SUMF1: variants seen among roughly 807,000 people sequenced by gnomAD.
SUMF1 encodes the protein sulfatase modifying factor 1.
SUMF1 carries 48 observed loss-of-function variants against 47.6 expected under a neutral mutation model. The observed-to-expected ratio is 1.01, with a 90% CI of 0.80 to 1.28. The LOEUF (loss-of-function observed/expected upper bound fraction) is 1.28, where lower values mean the gene tolerates loss of function less well. Ranked by LOEUF, SUMF1 falls within the 50% of genes most tolerant of loss-of-function variation. SUMF1 has a pLI of 0.00. For synonymous variants in SUMF1, 230 were observed against 192.1 expected (o/e 1.20, Z -1.63); for missense variants, 571 against 485.4 (o/e 1.18, Z -1.66).
intron 8 of SUMF1, among the ~76,000 whole-genome samples, chr3:4,347,849 G>A (rs1087349): frequency 0.53 from 80,754 of 152,048 alleles, 25,109 homozygotes; most frequent in African/African-American, 0.87. Flanking sequence ...GGGTACAAAA[G>A]TCAACGTGCA....
intron 3 of SUMF1, among the ~76,000 whole-genome samples, chr3:4,422,158 C>A (rs549036714): frequency 6.6e-6 from 1 of 152,076 alleles, no homozygotes; most frequent in Admixed American, 6.6e-5. Context: ...TCATTTGTGG[C>A]GCTGTAGAAG....
At position 4,129,223 on chromosome 3, in the gene SUMF1, T is replaced by G. The variant is rs534425812; in HGVS notation, c.1015-60478A>C. On this transcript the variant is annotated intron_variant and NMD_transcript_variant, in intron 8 of 12. Transcript: ENST00000448413. ...ACTCAACTACAAAATTTAAATACAATGGGAAGAATTGGATCCCAAGGTGGC... is the reference window on the plus strand; with the variant it reads ...ACTCAACTACAAAATTTAAATACAAGGGGAAGAATTGGATCCCAAGGTGGC... 2.0e-5 allele frequency among the ~76,000 whole-genome samples: 3 copies of G among 152,122 alleles called. 1 individual carries two copies. In the South Asian group the frequency reaches 6.2e-4, roughly 32 times the overall value.
intron 8 of SUMF1, among the ~76,000 whole-genome samples, chr3:4,275,140 C>T (rs1166102295): frequency 6.6e-6 from 1 of 152,002 alleles, no homozygotes; most frequent in Non-Finnish European, 1.5e-5. Context: ...TTATAGTCTG[C>T]CCTTGGTTGC....
intron 8 of SUMF1, among the ~76,000 whole-genome samples, chr3:4,281,046 T>C (rs1442407901): frequency 6.6e-6 from 1 of 151,522 alleles, no homozygotes; most frequent in Non-Finnish European, 1.5e-5. Flanking sequence ...ACAGTGGGGG[T>C]CGGGGGGCCA....
At chr3:4,142,086 G>A (rs1199821630) in intron 8 of SUMF1, among the ~76,000 whole-genome samples, 4 of 152,176 alleles carry the variant, frequency 2.6e-5, no homozygotes, top group Non-Finnish European at 5.9e-5. Context: ...GTATTCTAAT[G>A]TATAGCAAAA....
At chr3:4,125,494 T>TA (rs1255566108) in intron 8 of SUMF1, among the ~76,000 whole-genome samples, 1 of 152,184 alleles carries the variant, frequency 6.6e-6, no homozygotes, top group Non-Finnish European at 1.5e-5. Flanking sequence ...TTCAACTAGT[T>TA]ACAATCTATC....
chr3:4,047,371 C>A (rs146148640), intron 9 of SUMF1, among the ~76,000 whole-genome samples: 1 of 152,166 alleles, frequency 6.6e-6, no homozygotes, highest in African/African-American at 2.4e-5. Flanking sequence ...CATCTCATTC[C>A]CCTTTCTAAC....
intron 8 of SUMF1, among the ~76,000 whole-genome samples, chr3:4,119,201 C>T (rs970094680): frequency 6.6e-6 from 1 of 152,142 alleles, no homozygotes; most frequent in African/African-American, 2.4e-5. Flanking sequence ...TCTCCGCCTA[C>T]ATTGTCACTA....
chr3:4,197,297 T>C (rs1159889420), intron 8 of SUMF1, among the ~76,000 whole-genome samples: 1 of 152,052 alleles, frequency 6.6e-6, no homozygotes, highest in African/African-American at 2.4e-5. Context: ...GTATTTTTTG[T>C]ACAGACAATG....
At chr3:4,303,838 T>G (rs893700638) in intron 8 of SUMF1, 2 of 1,343,606 alleles carry the variant, frequency 1.5e-6, no homozygotes, top group African/African-American at 1.5e-5. Context: ...GGGGAGTCAT[T>G]TACCTCCCTG....
intron 1 of SUMF1, among the ~76,000 whole-genome samples, chr3:4,460,800 G>C (rs567095521): frequency 6.6e-6 from 1 of 151,814 alleles, no homozygotes; most frequent in South Asian, 2.1e-4. Context: ...GGCACTACAG[G>C]TGAACACCAA....
chr3:4,371,606 G>C (rs1700170698), intron 8 of SUMF1, among the ~76,000 whole-genome samples: 1 of 152,174 alleles, frequency 6.6e-6, no homozygotes, highest in South Asian at 2.1e-4. Context: ...ATCTTGGTAG[G>C]ATGGTGAGGA....
At chr3:4,291,375 C>A (rs183511533) in intron 8 of SUMF1, among the ~76,000 whole-genome samples, 1 of 152,118 alleles carries the variant, frequency 6.6e-6, no homozygotes, top group Non-Finnish European at 1.5e-5. Flanking sequence ...CTCTCTCCCC[C>A]TCATCTCTGC....
At chr3:4,035,804 T>G (rs1694782522) in intron 9 of SUMF1, among the ~76,000 whole-genome samples, 2 of 152,162 alleles carry the variant, frequency 1.3e-5, no homozygotes, top group Admixed American at 1.3e-4. Context: ...TCTAAGATAG[T>G]AGGTGTCTGG....
chr3:4,273,579 T>C (rs1370219353), intron 8 of SUMF1, among the ~76,000 whole-genome samples: 2 of 152,002 alleles, frequency 1.3e-5, no homozygotes, highest in South Asian at 2.1e-4. Flanking sequence ...CAACATTGAA[T>C]TGTGATGGCA....
At position 4,078,823 on chromosome 3, in the gene SUMF1, G is replaced by A. The variant is rs116034539; in HGVS notation, c.1015-10078C>T. 1.0e-3 allele frequency among the ~76,000 whole-genome samples: 159 copies of A among 152,076 alleles called. 7 individuals carry two copies. Among genetic ancestry groups the A allele is most frequent in the African/African-American group, 3.7e-3 (153 of 41,446 alleles). ...TACTGTGGTTATCTCATTTTTATAG[G>A]TGAAAAAACTGGGACAGAGAGGGGT... On this transcript the variant is annotated intron_variant and NMD_transcript_variant, in intron 8 of 12. Transcript: ENST00000448413.
chr3:4,247,738 T>C (rs1696701507), intron 8 of SUMF1, among the ~76,000 whole-genome samples: 1 of 152,132 alleles, frequency 6.6e-6, no homozygotes, highest in Admixed American at 6.5e-5. Context: ...AGCAGTCCAC[T>C]AGGCATAGAA....
chr3:4,260,960 C>A (rs1697073479), intron 8 of SUMF1, among the ~76,000 whole-genome samples: 1 of 151,980 alleles, frequency 6.6e-6, no homozygotes, highest in Admixed American at 6.6e-5. Flanking sequence ...TGATTTTAGC[C>A]CAGTGAGAAC....
chr3:4,173,591 G>T (rs1358912610), intron 8 of SUMF1, among the ~76,000 whole-genome samples: 2 of 152,130 alleles, frequency 1.3e-5, no homozygotes, highest in African/African-American at 2.4e-5. Flanking sequence ...TATGTTTATT[G>T]AAGCACTATT....
Sources: gnomAD v4.1 joint callset for allele counts (sites outside exome capture counted in the v4.1 genomes callset) on GRCh38, gnomAD v4.1.1 for gene constraint, MANE v1.5 for transcripts, NCBI Gene and HGNC (gene_info 2026-07-23, HGNC 2026-07-21) for gene names.